The following JAK1 variants were observed in gnomAD, a reference collection of about 807,000 sequenced individuals.
JAK1 encodes Janus kinase 1.
JAK1 carries 16 observed loss-of-function variants against 136.6 expected under a neutral mutation model. The observed-to-expected ratio is 0.12, with a 90% CI of 0.08 to 0.18. The LOEUF is 0.18. Among genes scored for constraint, JAK1 ranks in the 10% least tolerant of loss-of-function variants. The pLI is 1.00. For missense variants in JAK1, 859 were observed against 1,450.1 expected, an observed-to-expected ratio of 0.59 and a Z score of 6.62; for synonymous variants, 492 against 519.5, an observed-to-expected ratio of 0.95 and a Z score of 0.72.
At chr1:64,983,893 A>G (rs926048851) in intron 2 of JAK1, among the ~76,000 whole-genome samples, 2 of 152,236 alleles carry the variant, frequency 1.3e-5, no homozygotes, top group Admixed American at 6.5e-5. Flanking sequence ...TAAACTTAAG[A>G]GTTTCCACCT....
chr1:64,847,396 A>G (rs571255641), intron 13 of JAK1, 136 bp downstream of exon 13: 1 of 1,014,530 alleles, frequency 9.9e-7, no homozygotes, highest in African/African-American at 1.6e-5. Flanking sequence ...ATATGTGGAG[A>G]AAAAAATTCT....
chr1:64,913,677 AAGGAAG>A (rs1159324476), intron 1 of JAK1, among the ~76,000 whole-genome samples: 351 of 34,176 alleles, frequency 0.01, 7 homozygotes, highest in South Asian at 0.024. Flanking sequence ...GGAAGGAAGG[AAGGAAG>A]GAAGGAAGGA....
chr1:64,850,268 C>T (rs1256118268), intron 12 of JAK1, among the ~76,000 whole-genome samples: 2 of 152,202 alleles, frequency 1.3e-5, no homozygotes, highest in African/African-American at 2.4e-5. Context: ...TCCTGGGCTC[C>T]CCGCTCAGCC....
Position 64,942,306 on chromosome 1 carries a change from G to A in JAK1, c.-78+24027C>T, listed in dbSNP as rs868080150. The A allele has an allele frequency of 4.6e-5, 7 of 152,162 alleles. No individual in the cohort carries two copies. The East Asian group carries it at 5.8e-4, about 13-fold the overall frequency. 9.4% of individuals were successfully genotyped at this position (152,162 alleles called of 1,614,324 possible). On this transcript the variant is annotated intron_variant, in intron 1 of 24. Transcript: ENST00000342505. ...CAATCTGGCCCTTTGCTAGATAACCGGTATGAACCACTTTGATACTCAAGG... is the reference window on the plus strand; with the variant it reads ...CAATCTGGCCCTTTGCTAGATAACCAGTATGAACCACTTTGATACTCAAGG...
chr1:65,064,094 C>T (rs1647937306), intron 1 of JAK1, among the ~76,000 whole-genome samples: 1 of 152,124 alleles, frequency 6.6e-6, no homozygotes, highest in African/African-American at 2.4e-5. Flanking sequence ...TTACATATCC[C>T]AATTCTAAAT....
chr1:65,027,688 A>G (rs1646989963), intron 2 of JAK1, among the ~76,000 whole-genome samples: 1 of 152,154 alleles, frequency 6.6e-6, no homozygotes, highest in Non-Finnish European at 1.5e-5. Flanking sequence ...AGAGTCTCAG[A>G]CTGTGGTGCA....
Position 64,863,425 on chromosome 1 carries a change from T to C in JAK1, c.1176+1362A>G, listed in dbSNP as rs1418079487. ...GTGCTCCATCAACAGCACTTCTTCT[T>C]TTCTCCCTCCATTTCGCATCTTTCC... On this transcript the variant is annotated intron_variant, in intron 8 of 24. Transcript: ENST00000342505. Among the ~76,000 whole-genome samples, 3 of 152,172 alleles carry C rather than the reference T, an allele frequency of 2.0e-5. 1 individual carries two copies. Among genetic ancestry groups the C allele is most frequent in the Non-Finnish European group, 4.4e-5 (3 of 68,040 alleles).
intron 1 of JAK1, among the ~76,000 whole-genome samples, chr1:64,895,585 C>T (rs1047358598): frequency 3.9e-5 from 6 of 152,208 alleles, no homozygotes; most frequent in Non-Finnish European, 8.8e-5. Flanking sequence ...CTTCTCTTTT[C>T]TCACAATGTA....
In JAK1 at chr1:64,866,825, A is replaced by C. The variant is rs774346071; in HGVS notation, c.990+41T>G. The C allele has an allele frequency of 6.3e-6, 9 of 1,439,382 alleles. No individual in the cohort carries two copies. The South Asian group carries it at 1.1e-4, about 18-fold the overall frequency. The allele number at this position is 1,439,382 out of a possible 1,614,324, so 89.2% of individuals were successfully genotyped here. A position where few individuals can be genotyped will look rare whatever the true frequency, so the allele number is the denominator to read the frequency against. ...GGATAAACAGCATACGCTATGTGAC[A>C]CGGGAATGTTCTCTTTGATCGACTG... is the stretch of plus-strand genomic sequence containing the variant. On this transcript the variant is annotated intron_variant, in intron 7 of 24. Transcript: ENST00000342505.
At chr1:64,863,776 A>G (rs1221838856) in intron 8 of JAK1, among the ~76,000 whole-genome samples, 1 of 152,158 alleles carries the variant, frequency 6.6e-6, no homozygotes, top group Non-Finnish European at 1.5e-5. Flanking sequence ...TCTGCTTCTC[A>G]GGCAAATTGT....
intron 22 of JAK1, among the ~76,000 whole-genome samples, chr1:64,836,810 C>A (rs1386591295): frequency 1.3e-5 from 2 of 148,196 alleles, no homozygotes; most frequent in African/African-American, 5.3e-5. Flanking sequence ...TCCCTGGCTC[C>A]AGACTCCCTG....
chr1:65,031,105 A>G (rs78735214), intron 2 of JAK1, among the ~76,000 whole-genome samples: 12,686 of 150,176 alleles, frequency 0.084, 704 homozygotes, highest in Admixed American at 0.16. Flanking sequence ...AGTGAGCCGA[A>G]ATCAAGTCAC....
At chr1:65,002,180 C>T (rs907987877) in intron 2 of JAK1, 4 of 152,134 alleles carry the variant, frequency 2.6e-5, no homozygotes, top group African/African-American at 9.7e-5. Flanking sequence ...TGTGTATATA[C>T]GTATGTGTAT....
intron 1 of JAK1, among the ~76,000 whole-genome samples, chr1:65,057,429 A>G (rs1283960355): frequency 6.6e-6 from 1 of 152,126 alleles, no homozygotes; most frequent in East Asian, 1.9e-4. Context: ...GGCTGGGTAT[A>G]GTGGCTCATG....
Position 64,927,506 on chromosome 1 carries a change from G to C in JAK1, c.-78+38827C>G, listed in dbSNP as rs113038559. 9.8e-5 allele frequency among the ~76,000 whole-genome samples: 15 copies of C among 152,294 alleles called. 1 individual carries two copies. The highest frequency in any genetic ancestry group is 3.4e-4 in the African/African-American group (14 of 41,562). On this transcript the variant is annotated intron_variant, in intron 1 of 24. Transcript: ENST00000342505. The stretch of plus-strand genomic sequence containing the variant: ...TATTACACAGACAATCAACAGAAAA[G>C]ACAAACTTCAAACCCAGATTTGACT...
intron 1 of JAK1, among the ~76,000 whole-genome samples, chr1:64,928,787 A>AAAAAAAAAAAAAAAAAAAAAC (rs1645631562): frequency 5.4e-5 from 5 of 92,590 alleles, no homozygotes; most frequent in South Asian, 3.6e-4. Flanking sequence ...GCAAAAAAAA[A>AAAAAAAAAAAAAAAAAAAAAC]AAAAAAAAAC....
chr1:64,978,995 C>T (rs545684579), intron 2 of JAK1, among the ~76,000 whole-genome samples: 1 of 152,252 alleles, frequency 6.6e-6, no homozygotes, highest in East Asian at 1.9e-4. Context: ...ACTGTGTCCA[C>T]GTACAGGTTA....
intron 20 of JAK1, among the ~76,000 whole-genome samples, chr1:64,839,056 G>A (rs2100953376): frequency 6.9e-6 from 1 of 145,338 alleles, no homozygotes; most frequent in Middle Eastern, 3.6e-3. Flanking sequence ...TGAGGCAGGA[G>A]AATGGCGTGA....
chr1:65,017,630 C>A (rs956141341), intron 2 of JAK1, among the ~76,000 whole-genome samples: 1 of 152,062 alleles, frequency 6.6e-6, no homozygotes, highest in African/African-American at 2.4e-5. Flanking sequence ...GTCATTAAAA[C>A]AAGCCTCAAC....
Sources: allele counts gnomAD v4.1 joint callset (sites outside exome capture counted in the v4.1 genomes callset), GRCh38; gene constraint gnomAD v4.1.1; transcripts MANE v1.5; gene names NCBI Gene and HGNC (gene_info 2026-07-23, HGNC 2026-07-21).